CA10: variants seen among roughly 807,000 people sequenced by gnomAD.
The protein encoded by CA10 is carbonic anhydrase 10 (inactive), also known as carbonic anhydrase-related protein 10.
A neutral mutation model predicts 44.2 loss-of-function variants in CA10; 14 were observed. That is an observed-to-expected ratio of 0.32 (90% confidence interval 0.21 to 0.50). The LOEUF (loss-of-function observed/expected upper bound fraction) is 0.50, where lower values mean the gene tolerates loss of function less well. Ranked by LOEUF, CA10 falls within the 20% of genes least tolerant of loss-of-function variation. The pLI, the probability that CA10 is intolerant of heterozygous loss-of-function variation, is 0.99. For missense variants in CA10, 350 were observed against 409.7 expected (o/e 0.85, Z 1.26); for synonymous variants, 159 against 141.6 (o/e 1.12, Z -0.87).
intron 3 of CA10, among the ~76,000 whole-genome samples, chr17:51,858,039 A>T (rs1303835523): frequency 1.3e-5 from 2 of 152,162 alleles, no homozygotes; most frequent in Non-Finnish European, 2.9e-5. Flanking sequence ...TATAACTGTG[A>T]CATGCAACTA....
intron 2 of CA10, among the ~76,000 whole-genome samples, chr17:51,979,528 T>C (rs1443693189): frequency 1.3e-5 from 2 of 152,180 alleles, no homozygotes; most frequent in Non-Finnish European, 2.9e-5. Context: ...TTCTTCTTTG[T>C]GTTCATGACT....
At chr17:52,053,624 T>A (rs1479809555) in intron 2 of CA10, among the ~76,000 whole-genome samples, 1 of 151,882 alleles carries the variant, frequency 6.6e-6, no homozygotes, top group African/African-American at 2.4e-5. Context: ...ATATGGAAGA[T>A]AAGAAAGGAA....
At chr17:51,982,056 T>C (rs1984671129) in intron 2 of CA10, among the ~76,000 whole-genome samples, 1 of 152,044 alleles carries the variant, frequency 6.6e-6, no homozygotes, top group African/African-American at 2.4e-5. Flanking sequence ...TGGAACTACA[T>C]TCTTAATCAT....
intron 4 of CA10, among the ~76,000 whole-genome samples, chr17:51,666,663 T>G (rs970276432): frequency 1.3e-5 from 2 of 151,924 alleles, no homozygotes; most frequent in Non-Finnish European, 2.9e-5. Context: ...TTTAATAACC[T>G]CTCTCATGTG....
At chr17:52,007,990 T>C (rs1469414976) in intron 2 of CA10, among the ~76,000 whole-genome samples, 1 of 151,722 alleles carries the variant, frequency 6.6e-6, no homozygotes, top group Non-Finnish European at 1.5e-5. Flanking sequence ...AAATGACTGA[T>C]CAAAATAGTA....
intron 2 of CA10, among the ~76,000 whole-genome samples, chr17:52,019,644 A>C (rs929181947): frequency 3.9e-5 from 6 of 152,130 alleles, no homozygotes; most frequent in Non-Finnish European, 7.4e-5. Flanking sequence ...TCATTTCTAC[A>C]AAGTAAATAC....
At chr17:51,924,270 C>G (rs1982339422) in intron 3 of CA10, among the ~76,000 whole-genome samples, 1 of 152,010 alleles carries the variant, frequency 6.6e-6, no homozygotes, top group Admixed American at 6.5e-5. Context: ...GATGCATTCA[C>G]TTTGTTTGTT....
At chr17:51,849,233 G>GTGTATATATA (rs1387448675) in intron 3 of CA10, among the ~76,000 whole-genome samples, 8 of 39,894 alleles carry the variant, frequency 2.0e-4, no homozygotes, top group African/African-American at 2.7e-4. Context: ...ATATGTGTGT[G>GTGTATATATA]TATATATATA....
At chr17:51,942,651 C>A (rs1983129506) in intron 2 of CA10, among the ~76,000 whole-genome samples, 1 of 151,518 alleles carries the variant, frequency 6.6e-6, no homozygotes, top group South Asian at 2.1e-4. Context: ...ATGCAGGTTC[C>A]CACTGCCAGG....
chr17:51,795,886 C>A (rs966651626), intron 3 of CA10, among the ~76,000 whole-genome samples: 2 of 152,076 alleles, frequency 1.3e-5, no homozygotes, highest in Non-Finnish European at 2.9e-5. Context: ...TCCCTGCTTT[C>A]CAAAAATAGA....
chr17:51,988,778 G>T (rs1043218333), intron 2 of CA10, among the ~76,000 whole-genome samples: 16 of 151,692 alleles, frequency 1.1e-4, no homozygotes, highest in African/African-American at 3.6e-4. Context: ...GATACAATAG[G>T]AGATGCATAT....
chr17:52,060,927 G>C (rs1315545089), intron 2 of CA10, among the ~76,000 whole-genome samples: 1 of 152,152 alleles, frequency 6.6e-6, no homozygotes, highest in Non-Finnish European at 1.5e-5. Flanking sequence ...AAAAAGGGGA[G>C]TATGAGTGCA....
At chr17:52,075,669 C>T (rs966206443) in intron 1 of CA10, among the ~76,000 whole-genome samples, 4 of 152,138 alleles carry the variant, frequency 2.6e-5, no homozygotes, top group Admixed American at 2.6e-4. Flanking sequence ...GCCACTCTTT[C>T]ATTATAACAA....
intron 4 of CA10, among the ~76,000 whole-genome samples, chr17:51,663,070 T>C (rs1001227324): frequency 6.6e-6 from 1 of 152,218 alleles, no homozygotes; most frequent in Non-Finnish European, 1.5e-5. Flanking sequence ...GGGATGCATC[T>C]ATCTAAGAAT....
rs567934456 is a variant in CA10, at chr17:52,083,277, G to A, written c.62-10884C>T. Among the ~76,000 whole-genome samples the A allele has an allele frequency of 4.6e-5, 7 of 152,040 alleles. No individual in the cohort carries two copies. The East Asian group carries it at 5.8e-4, about 13-fold the overall frequency. ...TGAATTCAGCAAGGCTAAATGCAAC[G>A]AAAAGAAAGAAATCCAGCAGAATTG... On this transcript the variant is annotated intron_variant, in intron 1 of 8. Transcript: ENST00000451037.
intron 4 of CA10, among the ~76,000 whole-genome samples, chr17:51,736,899 T>C (rs578018774): frequency 6.6e-6 from 1 of 152,312 alleles, no homozygotes; most frequent in Non-Finnish European, 1.5e-5. Flanking sequence ...AGAATGATGC[T>C]GTGTCATATT....
At position 51,633,466 on chromosome 17, in the gene CA10, C is replaced by G; in HGVS notation, c.964+10G>C. 6.2e-7 allele frequency: 1 copy of G among 1,609,314 alleles called. No individual in the cohort carries two copies. The highest frequency in any genetic ancestry group is 8.5e-7 in the Non-Finnish European group (1 of 1,177,024). ...CCTAGATCCTCCACTCTCTGAGCCACCAAACCCACCTCTATACTGAAGCTT... is the reference window on the plus strand; with the variant it reads ...CCTAGATCCTCCACTCTCTGAGCCAGCAAACCCACCTCTATACTGAAGCTT... On this transcript the variant is annotated intron_variant, in intron 8 of 8. Coordinates refer to ENST00000451037, the MANE Select transcript of CA10 (RefSeq NM_020178.5).
intron 3 of CA10, among the ~76,000 whole-genome samples, chr17:51,847,442 GT>G (rs1469067307): frequency 6.6e-6 from 1 of 152,146 alleles, no homozygotes; most frequent in Non-Finnish European, 1.5e-5. Flanking sequence ...TGTTATGTCT[GT>G]TATTGCAGTG....
intron 3 of CA10, among the ~76,000 whole-genome samples, chr17:51,786,206 T>TTGTGTGTGTGTG (rs775761105): frequency 4.0e-5 from 5 of 123,718 alleles, no homozygotes; most frequent in African/African-American, 1.4e-4. Context: ...TCTAACATCT[T>TTGTGTGTGTGTG]TGTGTGTCTG....
Sources: gnomAD v4.1 joint callset for allele counts (sites outside exome capture counted in the v4.1 genomes callset) on GRCh38, gnomAD v4.1.1 for gene constraint, MANE v1.5 for transcripts, NCBI Gene and HGNC (gene_info 2026-07-23, HGNC 2026-07-21) for gene names.